The following NAA11 variants were observed in gnomAD, a reference collection of about 807,000 sequenced individuals.
The protein encoded by NAA11 is N-alpha-acetyltransferase 11.
A neutral mutation model predicts 16.1 loss-of-function variants in NAA11; 15 were observed. That is an observed-to-expected ratio of 0.93 (90% confidence interval 0.62 to 1.44). NAA11 has a LOEUF of 1.44. Ranked by LOEUF, NAA11 falls within the 40% of genes most tolerant of loss-of-function variation. The pLI, the probability that NAA11 is intolerant of heterozygous loss-of-function variation, is 0.00. For missense variants in NAA11, 298 were observed against 291.3 expected, an observed-to-expected ratio of 1.02 and a Z score of -0.17; for synonymous variants, 122 against 112.4, an observed-to-expected ratio of 1.09 and a Z score of -0.54.
In NAA11 at chr4:79,244,826, G is replaced by A. The variant is rs866667937; in HGVS notation, c.*123-18556C>T. 170 of 154,322 alleles carry A rather than the reference G, an allele frequency of 1.1e-3. 1 individual carries two copies. The Middle Eastern group carries it at 0.013, about 12-fold the overall frequency. The allele number at this position is 154,322 out of a possible 1,614,324, so 9.6% of individuals were successfully genotyped here. On this transcript the variant is annotated intron_variant and NMD_transcript_variant, in intron 2 of 2. Transcript: ENST00000511542. The stretch of plus-strand genomic sequence containing the variant: ...TATTTTTTGGTGGAGACGGGGTTTC[G>A]CGGTGTTGGCTGGGCTGGTCTCAGC...
At chr4:79,159,772 C>T in the NAA11 span, among the ~76,000 whole-genome samples, 10 of 152,026 alleles carry the variant, frequency 6.6e-5, no homozygotes, top group African/African-American at 2.2e-4. Context: ...ATACCTTTTC[C>T]GGACATTTTA....
At chr4:79,277,850 T>C (rs559543798) in intron 2 of NAA11, among the ~76,000 whole-genome samples, 3 of 152,050 alleles carry the variant, frequency 2.0e-5, no homozygotes, top group East Asian at 3.9e-4. Flanking sequence ...CCCTCCCTTG[T>C]CCAAGTGTGC....
chr4:79,207,219 G>T, the NAA11 span, among the ~76,000 whole-genome samples: 5 of 152,102 alleles, frequency 3.3e-5, no homozygotes, highest in African/African-American at 7.2e-5. Flanking sequence ...GCTCTGGCTA[G>T]GACTTTCAGT....
chr4:79,249,659 A>G (rs1721948347), intron 2 of NAA11, among the ~76,000 whole-genome samples: 1 of 152,252 alleles, frequency 6.6e-6, no homozygotes, highest in African/African-American at 2.4e-5. Flanking sequence ...CCTGAAAGAA[A>G]GAGAAAGCAA....
At chr4:79,240,544 A>G (rs1489456861) in intron 2 of NAA11, among the ~76,000 whole-genome samples, 2 of 152,160 alleles carry the variant, frequency 1.3e-5, no homozygotes, top group Admixed American at 6.6e-5. Context: ...CTGTCCTGCA[A>G]CTTTGCATTT....
At chr4:79,213,294 C>T in the NAA11 span, among the ~76,000 whole-genome samples, 1 of 151,882 alleles carries the variant, frequency 6.6e-6, no homozygotes, top group Non-Finnish European at 1.5e-5. Flanking sequence ...CAGGCAAGTA[C>T]ATGTGGATCA....
chr4:79,177,940 C>CT, the NAA11 span, among the ~76,000 whole-genome samples: 1 of 152,042 alleles, frequency 6.6e-6, no homozygotes, highest in Non-Finnish European at 1.5e-5. Context: ...AATTTTATAA[C>CT]TTTTGGAGAT....
the NAA11 span, among the ~76,000 whole-genome samples, chr4:79,181,892 T>A: frequency 6.6e-6 from 1 of 152,218 alleles, no homozygotes; most frequent in African/African-American, 2.4e-5. Context: ...CATCTTCTGA[T>A]AGACGTATAA....
the NAA11 span, among the ~76,000 whole-genome samples, chr4:79,169,189 T>C: frequency 6.6e-6 from 1 of 152,138 alleles, no homozygotes; most frequent in African/African-American, 2.4e-5. Flanking sequence ...CACAAAGTAA[T>C]TTATAGATTC....
chr4:79,194,926 A>G, the NAA11 span, among the ~76,000 whole-genome samples: 1 of 152,108 alleles, frequency 6.6e-6, no homozygotes, highest in Admixed American at 6.6e-5. Context: ...TTGAGTCCAG[A>G]TGGTTTGTCT....
intron 2 of NAA11, among the ~76,000 whole-genome samples, chr4:79,266,230 G>A (rs900163762): frequency 2.6e-5 from 4 of 152,054 alleles, no homozygotes; most frequent in African/African-American, 9.7e-5. Context: ...CATTATGATC[G>A]GCACTCGCAG....
chr4:79,195,302 A>G, the NAA11 span, among the ~76,000 whole-genome samples: 1 of 152,096 alleles, frequency 6.6e-6, no homozygotes, highest in African/African-American at 2.4e-5. Flanking sequence ...GGCTGAGTGT[A>G]ATTTTGGGTT....
rs770674566 is a variant in NAA11, at chr4:79,325,749, G to A, written c.129C>T (p.Tyr43=). The change falls in exon 1 of 2, where the codon TAC becomes TAT. Residue 43 remains tyrosine, a synonymous_variant. Coordinates refer to ENST00000286794, the MANE Select transcript of NAA11 (RefSeq NM_032693.3). The part of the protein sequence containing the change: ...YHGLSWPQLS[Y]IAEDEDGKIV... ...TCTTCCCGTCCTCATCCTCAGCGAT[G>A]TAAGAAAGCTGGGGCCAGGAAAGGC... 1 of 1,614,242 alleles carries A rather than the reference G, an allele frequency of 6.2e-7. No homozygotes were observed. Among genetic ancestry groups the A allele is most frequent in the South Asian group, 1.1e-5 (1 of 91,080 alleles).
At chr4:79,188,118 C>T in the NAA11 span, among the ~76,000 whole-genome samples, 2 of 151,778 alleles carry the variant, frequency 1.3e-5, no homozygotes, top group Non-Finnish European at 2.9e-5. Context: ...AAATTTTCTC[C>T]CCTTTTTTGA....
At chr4:79,233,061 G>A (rs1056443376) in intron 2 of NAA11, among the ~76,000 whole-genome samples, 35 of 151,902 alleles carry the variant, frequency 2.3e-4, no homozygotes, top group Admixed American at 1.9e-3. Context: ...TGTCTGCCAC[G>A]TGTCTAAGCT....
chr4:79,200,428 A>G, the NAA11 span, among the ~76,000 whole-genome samples: 8 of 151,912 alleles, frequency 5.3e-5, no homozygotes, highest in African/African-American at 1.9e-4. Flanking sequence ...CCATTTAATT[A>G]TTAAATTACA....
At chr4:79,190,456 C>CT in the NAA11 span, among the ~76,000 whole-genome samples, 121,304 of 142,544 alleles carry the variant, frequency 0.85, 50,731 homozygotes, top group East Asian at 0.99. Context: ...TTGTCTCTCC[C>CT]TTTTTTTTTT....
At chr4:79,167,844 C>T in the NAA11 span, among the ~76,000 whole-genome samples, 1 of 151,896 alleles carries the variant, frequency 6.6e-6, no homozygotes, top group Admixed American at 6.6e-5. Flanking sequence ...GGAAGTGCTA[C>T]ACACTTTTTT....
intron 2 of NAA11, chr4:79,227,310 A>G (rs1000979389): frequency 2.0e-5 from 3 of 152,218 alleles, no homozygotes; most frequent in Admixed American, 2.0e-4. Context: ...AAACAAATTT[A>G]CAAGCACAAA....
Sources: gnomAD v4.1 joint callset for allele counts (sites outside exome capture counted in the v4.1 genomes callset) on GRCh38, gnomAD v4.1.1 for gene constraint, MANE v1.5 for transcripts, NCBI Gene and HGNC (gene_info 2026-07-23, HGNC 2026-07-21) for gene names.